TTF1: variants seen among roughly 807,000 people sequenced by gnomAD.
TTF1 encodes the protein transcription termination factor, RNA polymerase I.
A neutral mutation model predicts 80.2 loss-of-function variants in TTF1; 64 were observed. That is an observed-to-expected ratio of 0.80 (90% confidence interval 0.65 to 0.98). The LOEUF is 0.98. Among genes scored for constraint, TTF1 ranks in the 50% least tolerant of loss-of-function variants. The pLI, the probability that TTF1 is intolerant of heterozygous loss-of-function variation, is 0.00. For synonymous variants in TTF1, 372 were observed against 382.7 expected (o/e 0.97, Z 0.33); for missense variants, 1,023 against 1,086.2 (o/e 0.94, Z 0.82).
intron 4 of TTF1, among the ~76,000 whole-genome samples, chr9:132,396,876 C>A (rs538839730): frequency 1.3e-5 from 2 of 151,958 alleles, no homozygotes; most frequent in Non-Finnish European, 2.9e-5. Flanking sequence ...CTAAATGAAA[C>A]CAGGCTGTTT....
rs145664933 is a variant in TTF1, at chr9:132,401,570, G to A, written c.1252C>T (p.Leu418Phe). Reference sequence around the variant, plus strand: ...CCATCACCTTCTACTGAATCAAAGAGTGTGCTCTCAGAGTTCTTACTGGGC... The same window carrying A: ...CCATCACCTTCTACTGAATCAAAGAATGTGCTCTCAGAGTTCTTACTGGGC... ...SVPSKNSEST[L>F]FDSVEGDGAM... The change falls in exon 2 of 11, where the codon CTC (leucine) becomes TTC (phenylalanine). Residue 418 changes from leucine to phenylalanine, a missense_variant. Leu to Phe is a conservative substitution (Grantham distance 22). Coordinates refer to ENST00000334270, the MANE Select transcript of TTF1 (RefSeq NM_007344.4). 1.9e-6 allele frequency: 3 copies of A among 1,614,116 alleles called. No homozygotes were observed. Among genetic ancestry groups the A allele is most frequent in the Admixed American group, 1.7e-5 (1 of 60,016 alleles).
chr9:132,377,529 AGT>A (rs1309340928), intron 10 of TTF1, among the ~76,000 whole-genome samples: 3 of 78,294 alleles, frequency 3.8e-5, no homozygotes, highest in Admixed American at 1.6e-4. Flanking sequence ...GCATGCATGT[AGT>A]GTGAGTGCAT....
Position 132,402,291 on chromosome 9 carries a change from G to C in TTF1, c.531C>G (p.Ser177=). ...KNKKHQRKAA[S]WESQRARDTL... ...TGTCCCTTGCCCGCTGGCTCTCCCA[G>C]GATGCAGCTTTCCTCTGATGCTTTT... is the stretch of plus-strand genomic sequence containing the variant. The change falls in exon 2 of 11, where the codon TCC becomes TCG. Residue 177 remains serine (S), a synonymous_variant. Transcript: ENST00000334270. 2 of 1,614,040 alleles carry C rather than the reference G, an allele frequency of 1.2e-6. No individual in the cohort carries two copies. Among genetic ancestry groups the C allele is most frequent in the South Asian group, 2.2e-5 (2 of 91,086 alleles).
chr9:132,404,895 T>C (rs1375285281), intron 1 of TTF1, among the ~76,000 whole-genome samples: 1 of 150,536 alleles, frequency 6.6e-6, no homozygotes, highest in Admixed American at 6.6e-5. Flanking sequence ...TTTTTTTTCT[T>C]TTTTTTTTGA....
rs1336792223 is a variant in TTF1 at position 132,406,122 on chromosome 9, G to A, written c.-8+668C>T. Among the ~76,000 whole-genome samples the A allele has an allele frequency of 5.9e-5, 9 of 152,132 alleles. No homozygotes were observed. The East Asian group carries it at 1.5e-3, about 26-fold the overall frequency. ...CTCGATACATATTGAGAACGGATAT[G>A]CATTTATCCCCCCTTACTCAGAACA... is the stretch of plus-strand genomic sequence containing the variant. On this transcript the variant is annotated intron_variant, in intron 1 of 10. Transcript: ENST00000334270.
In TTF1 at chr9:132,384,334, G is replaced by A. The variant is rs1450995959; in HGVS notation, c.2378+2222C>T. 1.3e-5 allele frequency among the ~76,000 whole-genome samples: 2 copies of A among 152,160 alleles called. No individual in the cohort carries two copies. Among genetic ancestry groups the A allele is most frequent in the Non-Finnish European group, 2.9e-5 (2 of 68,038 alleles). On this transcript the variant is annotated intron_variant, in intron 9 of 10. Coordinates refer to ENST00000334270, the MANE Select transcript of TTF1 (RefSeq NM_007344.4). The surrounding 1 kb of genome is among the most constrained non-coding windows in gnomAD (Gnocchi z 4.1). ...ATGAGCTAAGAACCCATCTCAAGAA[G>A]TTGAAGAACAGCAGCAAAATAAACT...
intron 9 of TTF1, among the ~76,000 whole-genome samples, chr9:132,379,480 A>G (rs1226059532): frequency 2.0e-5 from 3 of 152,222 alleles, no homozygotes; most frequent in African/African-American, 7.2e-5. Context: ...CCTTGTGCTC[A>G]GCCCTGCCCT....
intron 6 of TTF1, 21 bp from the exon 7 acceptor site, chr9:132,390,852 T>C: frequency 6.3e-7 from 1 of 1,599,830 alleles, no homozygotes. Flanking sequence ...AAAAAGATGG[T>C]CTTATAGTAG....
At chr9:132,397,086 G>T (rs1339644793) in intron 4 of TTF1, among the ~76,000 whole-genome samples, 1 of 152,198 alleles carries the variant, frequency 6.6e-6, no homozygotes, top group Admixed American at 6.5e-5. Context: ...TTTCCTTGGA[G>T]ATCTCCGAAA....
intron 5 of TTF1, among the ~76,000 whole-genome samples, chr9:132,394,914 A>G (rs959416762): frequency 6.7e-6 from 1 of 150,176 alleles, no homozygotes; most frequent in African/African-American, 2.5e-5. Flanking sequence ...AAAAATTGCC[A>G]GGCACGGTGT....
intron 10 of TTF1, among the ~76,000 whole-genome samples, chr9:132,377,265 G>GTGGTGTGAGTGCATGCA (rs1849206316): frequency 7.2e-6 from 1 of 138,832 alleles, no homozygotes; most frequent in African/African-American, 2.8e-5. Flanking sequence ...GAGTGCATGC[G>GTGGTGTGAGTGCATGCA]TGTGGTGTGA....
chr9:132,401,779 G>C lies in TTF1; in HGVS notation c.1043C>G (p.Ala348Gly), dbSNP rs151288177. ...TGCACTCTCGAGGCTCTCAGGCATG[G>C]CCACTGCCTCAAATTCCTGGTGATT... ...KSNHQEFEAV[A>G]MPESLESAYP... Residue 348 changes from alanine (A) to glycine (G), a missense_variant, in exon 2 of 11, where the codon GCC becomes GGC. Physicochemically the swap from Ala to Gly is moderately conservative, Grantham distance 60. Transcript: ENST00000334270. The C allele has an allele frequency of 3.1e-4, 499 of 1,614,010 alleles. 1 individual carries two copies. Among genetic ancestry groups the C allele is most frequent in the Middle Eastern group, 1.6e-4 (1 of 6,062 alleles).
At chr9:132,377,404 TGTG>T (rs141776728) in intron 10 of TTF1, among the ~76,000 whole-genome samples, 13 of 126,010 alleles carry the variant, frequency 1.0e-4, no homozygotes, top group East Asian at 7.9e-4. Flanking sequence ...TGTGAGTGCA[TGTG>T]GTGTGTGTGA....
rs758931572 is a variant in TTF1 at position 132,402,729 on chromosome 9, T to C, written c.93A>G (p.Lys31=). 2.5e-6 allele frequency: 4 copies of C among 1,614,086 alleles called. No homozygotes were observed. The highest frequency in any genetic ancestry group is 3.4e-6 in the Non-Finnish European group (4 of 1,180,024). Residue 31 remains lysine, a synonymous_variant, in exon 2 of 11, where the codon AAA becomes AAG. Transcript: ENST00000334270. ...AGTCTCTGAAAATTTCGTGGGAATG[T>C]TTCTGAGGTCTTTCCTTATGTATAG... ...KCSIHKERPQ[K]HSHEIFRDSS...
chr9:132,405,300 G>C lies in TTF1; in HGVS notation c.-8+1490C>G, dbSNP rs937879608. 2.6e-5 allele frequency among the ~76,000 whole-genome samples: 4 copies of C among 152,164 alleles called. No individual in the cohort carries two copies. The South Asian group carries it at 8.3e-4, about 31-fold the overall frequency. ...GCTCACTGCAACCTCCGCCTCCCGG[G>C]TTCAAGCGATTCTCCTGCCTCAGCC... On this transcript the variant is annotated intron_variant, in intron 1 of 10. Coordinates refer to ENST00000334270, the MANE Select transcript of TTF1 (RefSeq NM_007344.4).
chr9:132,401,599 G>A lies in TTF1; in HGVS notation c.1223C>T (p.Ser408Leu). ...GCTCTCAGAGTTCTTACTGGGCACT[G>A]AAAAATCATCACCAGACACTCGTGC... ...KRARVSGDDF[S>L]VPSKNSESTL... Residue 408 changes from serine to leucine, a missense_variant, in exon 2 of 11, where the codon TCA (serine) becomes TTA (leucine). Coordinates refer to ENST00000334270, the MANE Select transcript of TTF1 (RefSeq NM_007344.4). 1 of 1,614,130 alleles carries A rather than the reference G, an allele frequency of 6.2e-7. No homozygotes were observed. Among genetic ancestry groups the A allele is most frequent in the Non-Finnish European group, 8.5e-7 (1 of 1,180,022 alleles).
At chr9:132,394,748 C>G (rs1302364033) in intron 5 of TTF1, among the ~76,000 whole-genome samples, 1 of 151,902 alleles carries the variant, frequency 6.6e-6, no homozygotes, top group Non-Finnish European at 1.5e-5. Context: ...TAAAAATTAG[C>G]TGGGTGTGGT....
chr9:132,406,249 C>T (rs1209742304), intron 1 of TTF1, among the ~76,000 whole-genome samples: 1 of 152,166 alleles, frequency 6.6e-6, no homozygotes, highest in Non-Finnish European at 1.5e-5. Flanking sequence ...GGTGGGCGCT[C>T]CAGGGCTGAG....
In TTF1 at chr9:132,402,707, C is replaced by T. The variant is rs375146220; in HGVS notation, c.115G>A (p.Asp39Asn). 6.2e-6 allele frequency: 10 copies of T among 1,614,090 alleles called. No homozygotes were observed. The African/African-American group carries it at 9.3e-5, about 15-fold the overall frequency. Residue 39 changes from aspartate to asparagine, a missense_variant, in exon 2 of 11, where the codon GAC (aspartate) becomes AAC (asparagine). By Grantham distance (23) the Asp-to-Asn change is conservative (BLOSUM62 1). Transcript: ENST00000334270. ...GACTGTTCATTCACCAGGGAGGAGT[C>T]TCTGAAAATTTCGTGGGAATGTTTC... ...PQKHSHEIFR[D>N]SSLVNEQSQI...
Sources: gnomAD v4.1 joint callset for allele counts (sites outside exome capture counted in the v4.1 genomes callset) on GRCh38, gnomAD v4.1.1 for gene constraint, Gnocchi (gnomAD v3.1) non-coding constraint, MANE v1.5 for transcripts, NCBI Gene and HGNC (gene_info 2026-07-23, HGNC 2026-07-21) for gene names.